PCDH15: variants seen among roughly 807,000 people sequenced by gnomAD.
PCDH15 encodes protocadherin related 15.
In PCDH15, 129 loss-of-function variants were observed where a neutral mutation model predicts 178.5. The ratio of observed to expected loss-of-function variants is 0.72; its 90% CI spans 0.63 to 0.84. PCDH15 has a LOEUF of 0.84. PCDH15 is among the 40% of genes least tolerant of loss of function. PCDH15 has a pLI of 0.00. For missense variants in PCDH15, 2,230 were observed against 2,099.9 expected (o/e 1.06, Z -1.21); for synonymous variants, 800 against 732.0 (o/e 1.09, Z -1.50).
intron 8 of PCDH15, among the ~76,000 whole-genome samples, chr10:54,297,683 G>A (rs977742117): frequency 1.3e-5 from 2 of 152,076 alleles, no homozygotes; most frequent in African/African-American, 4.8e-5. Context: ...CTTTAAGTAG[G>A]GGGAGGGGAA....
At chr10:54,508,927 G>C (rs1276909304) in intron 3 of PCDH15, among the ~76,000 whole-genome samples, 1 of 152,062 alleles carries the variant, frequency 6.6e-6, no homozygotes, top group Admixed American at 6.6e-5. Flanking sequence ...ATGTCAAAAT[G>C]CAAAAGTCAT....
chr10:54,571,397 T>A (rs2089823928), intron 2 of PCDH15, among the ~76,000 whole-genome samples: 1 of 150,374 alleles, frequency 6.7e-6, no homozygotes, highest in Admixed American at 6.6e-5. Context: ...AGCATGAATG[T>A]CTTAAATATA....
intron 3 of PCDH15, among the ~76,000 whole-genome samples, chr10:54,873,474 T>TTA (rs1030275472): frequency 1.3e-5 from 2 of 148,896 alleles, no homozygotes; most frequent in East Asian, 2.0e-4. Flanking sequence ...CTGCTGTATT[T>TTA]TATATATATA....
chr10:55,321,951 G>T (rs1479441117), upstream of PCDH15, among the ~76,000 whole-genome samples: 1 of 152,156 alleles, frequency 6.6e-6, no homozygotes, highest in Non-Finnish European at 1.5e-5. Context: ...ACACAAACAA[G>T]TCTGCATAAT....
intron 15 of PCDH15, among the ~76,000 whole-genome samples, chr10:54,120,757 A>G (rs1272241445): frequency 1.3e-5 from 2 of 152,220 alleles, no homozygotes; most frequent in African/African-American, 2.4e-5. Flanking sequence ...TATCTAGAAC[A>G]TAAACACACC....
chr10:55,095,942 T>C (rs1842440588), intron 2 of PCDH15, among the ~76,000 whole-genome samples: 1 of 152,084 alleles, frequency 6.6e-6, no homozygotes, highest in African/African-American at 2.4e-5. Context: ...ATTCTGATTT[T>C]CTTTAGCTAG....
At position 55,612,831 on chromosome 10, in the gene PCDH15, C is replaced by T. The variant is rs576850470; in HGVS notation, c.-156+14794G>A. 3.6e-4 allele frequency among the ~76,000 whole-genome samples: 55 copies of T among 152,130 alleles called. 1 individual carries two copies. The highest frequency in any genetic ancestry group is 6.9e-4 in the Non-Finnish European group (47 of 67,992). ...TAATTCCTACAAATTCTGAGCATTG[C>T]CTTTAATGTATCTGCATGGTTCCCA... On this transcript the variant is annotated intron_variant, in intron 2 of 5. Coordinates refer to the PCDH15 transcript ENST00000613346.
At position 54,294,686 on chromosome 10, in the gene PCDH15, GAC is replaced by G. The variant is rs869033205; in HGVS notation, c.876+22583_876+22584del. 6.3e-5 allele frequency among the ~76,000 whole-genome samples: 9 copies of G among 143,792 alleles called. No individual in the cohort carries two copies. In the East Asian group the frequency reaches 1.6e-3, roughly 25 times the overall value. The allele number at this position is 143,792 out of a possible 152,430, so 94.3% of individuals were successfully genotyped here. A position where few individuals can be genotyped will look rare whatever the true frequency, so the allele number is the denominator to read the frequency against. On this transcript the variant is annotated intron_variant, in intron 8 of 37. Coordinates refer to ENST00000644397, the MANE Select transcript of PCDH15 (RefSeq NM_001384140.1). ...AAGCAACAGTAATCACACACACACA[GAC>G]ACACACATGAGTCAATCTGTCAAAA...
intron 1 of PCDH15, among the ~76,000 whole-genome samples, chr10:54,679,224 A>G (rs1016870060): frequency 3.3e-5 from 5 of 151,800 alleles, no homozygotes; most frequent in African/African-American, 1.2e-4. Flanking sequence ...TACAATTGAC[A>G]ATAATATATG....
At chr10:54,320,486 G>GTT (rs1245545479) in intron 7 of PCDH15, among the ~76,000 whole-genome samples, 1 of 151,712 alleles carries the variant, frequency 6.6e-6, no homozygotes, top group Non-Finnish European at 1.5e-5. Context: ...TAATTTTGGT[G>GTT]GTTCACAAAT....
intron 15 of PCDH15, among the ~76,000 whole-genome samples, chr10:54,097,195 G>T (rs2094716393): frequency 6.6e-6 from 1 of 152,140 alleles, no homozygotes; most frequent in Non-Finnish European, 1.5e-5. Flanking sequence ...GGTTGATTAT[G>T]TCACTGCTAT....
intron 18 of PCDH15, among the ~76,000 whole-genome samples, chr10:54,045,129 C>A (rs1020271431): frequency 3.5e-4 from 53 of 152,038 alleles, no homozygotes; most frequent in South Asian, 1.0e-3. Flanking sequence ...AAGGAATGAC[C>A]ATTGTATGGT....
intron 21 of PCDH15, among the ~76,000 whole-genome samples, chr10:53,979,273 A>G (rs1425862077): frequency 2.0e-5 from 3 of 152,200 alleles, no homozygotes; most frequent in African/African-American, 7.2e-5. Flanking sequence ...ACAGGGTGAC[A>G]GCAAAGAGAA....
At chr10:55,105,259 T>A (rs887357659) in intron 2 of PCDH15, among the ~76,000 whole-genome samples, 1 of 152,306 alleles carries the variant, frequency 6.6e-6, no homozygotes, top group East Asian at 1.9e-4. Flanking sequence ...TCTTATTTTT[T>A]AAAATATTTC....
chr10:54,207,467 G>A (rs1258568784), intron 10 of PCDH15, among the ~76,000 whole-genome samples: 1 of 151,198 alleles, frequency 6.6e-6, no homozygotes, highest in African/African-American at 2.4e-5. Flanking sequence ...CAATATTTTT[G>A]CTTTGATTAA....
At chr10:54,177,241 T>G (rs2047525134) in intron 13 of PCDH15, among the ~76,000 whole-genome samples, 3 of 152,150 alleles carry the variant, frequency 2.0e-5, no homozygotes, top group Middle Eastern at 3.4e-3. Context: ...TCATGGAGAC[T>G]GTAGAAAGAT....
At chr10:54,780,733 TAAAAA>T in intron 1 of PCDH15, among the ~76,000 whole-genome samples, 1 of 114,328 alleles carries the variant, frequency 8.7e-6, no homozygotes, top group African/African-American at 3.2e-5. Flanking sequence ...AGCAATTGTG[TAAAAA>T]AAAAAAAAAA....
At chr10:55,334,369 G>T (rs943697313) in intron 2 of PCDH15, among the ~76,000 whole-genome samples, 5 of 148,480 alleles carry the variant, frequency 3.4e-5, no homozygotes, top group African/African-American at 1.3e-4. Context: ...GTGCAATGGC[G>T]TGATCTCGGC....
intron 2 of PCDH15, among the ~76,000 whole-genome samples, chr10:54,528,998 A>T (rs1359224563): frequency 3.9e-5 from 6 of 151,914 alleles, no homozygotes; most frequent in Non-Finnish European, 2.9e-5. Context: ...TACATGGCAC[A>T]CTCCTGTACA....
Sources: allele counts gnomAD v4.1 joint callset (sites outside exome capture counted in the v4.1 genomes callset), GRCh38; gene constraint gnomAD v4.1.1; transcripts MANE v1.5; gene names NCBI Gene and HGNC (gene_info 2026-07-23, HGNC 2026-07-21).